ACOXL: variants seen among roughly 807,000 people sequenced by gnomAD.
ACOXL encodes acyl-CoA oxidase like.
Under a neutral mutation model 71.9 loss-of-function variants are expected in ACOXL, and 70 were observed. The observed-to-expected ratio is 0.97, with a 90% CI of 0.80 to 1.19. ACOXL has a LOEUF of 1.19. ACOXL is among the 50% of genes most tolerant of loss of function. ACOXL has a pLI of 0.00. For missense variants in ACOXL, 703 were observed against 736.3 expected (o/e 0.95, Z 0.52); for synonymous variants, 253 against 281.6 (o/e 0.90, Z 1.02).
intron 10 of ACOXL, among the ~76,000 whole-genome samples, chr2:110,864,305 A>G (rs1236803996): frequency 6.6e-6 from 1 of 152,152 alleles, no homozygotes; most frequent in Non-Finnish European, 1.5e-5. Context: ...GATGGGAGAC[A>G]CTCAGTAAAG....
chr2:111,099,861 A>G (rs149716970), intron 17 of ACOXL: 2 of 152,358 alleles, frequency 1.3e-5, no homozygotes, highest in Admixed American at 1.3e-4. Flanking sequence ...TAACAATTGT[A>G]TATCTCCATT....
chr2:110,743,010 C>G (rs1209660689), intron 1 of ACOXL, among the ~76,000 whole-genome samples: 1 of 152,206 alleles, frequency 6.6e-6, no homozygotes, highest in Non-Finnish European at 1.5e-5. Flanking sequence ...GTTTCTATCT[C>G]ATTTTCATCA....
chr2:111,004,606 C>T (rs1359697894), intron 14 of ACOXL, among the ~76,000 whole-genome samples: 1 of 152,092 alleles, frequency 6.6e-6, no homozygotes, highest in Non-Finnish European at 1.5e-5. Context: ...AATCTTGTTG[C>T]AAACAACTCG....
intron 10 of ACOXL, among the ~76,000 whole-genome samples, chr2:110,841,989 C>T (rs1201731181): frequency 6.6e-6 from 1 of 152,158 alleles, no homozygotes; most frequent in Non-Finnish European, 1.5e-5. Context: ...AGATCCAGCT[C>T]CAGTGGAGGG....
chr2:111,009,675 C>T (rs2064051745), intron 14 of ACOXL, among the ~76,000 whole-genome samples: 1 of 152,054 alleles, frequency 6.6e-6, no homozygotes, highest in Non-Finnish European at 1.5e-5. Context: ...CTGGAATATC[C>T]ATGAGTGGAT....
chr2:110,828,488 A>C (rs571502483), intron 9 of ACOXL, among the ~76,000 whole-genome samples: 1 of 152,098 alleles, frequency 6.6e-6, no homozygotes, highest in East Asian at 1.9e-4. Context: ...CTGTGAGTGC[A>C]CTCTTCTTGC....
intron 10 of ACOXL, among the ~76,000 whole-genome samples, chr2:110,849,900 G>A (rs1167554999): frequency 6.6e-6 from 1 of 152,222 alleles, no homozygotes; most frequent in Admixed American, 6.5e-5. Flanking sequence ...AGGACATGTA[G>A]GCAAAAGGAC....
chr2:110,773,669 A>C (rs576879081), intron 2 of ACOXL, among the ~76,000 whole-genome samples: 1 of 152,266 alleles, frequency 6.6e-6, no homozygotes, highest in African/African-American at 2.4e-5. Context: ...ACTGGAACCC[A>C]GGCTTCTCCT....
chr2:110,750,307 A>T (rs549505876), intron 1 of ACOXL, among the ~76,000 whole-genome samples: 1 of 152,214 alleles, frequency 6.6e-6, no homozygotes, highest in Admixed American at 6.5e-5. Flanking sequence ...ATAGACTAAC[A>T]TGTTTATTTT....
Position 110,794,305 on chromosome 2 carries a change from C to A in ACOXL, c.345+131C>A, listed in dbSNP as rs568326355. On this transcript the variant is annotated intron_variant, in intron 5 of 17. Coordinates refer to ENST00000439055, the MANE Select transcript of ACOXL (RefSeq NM_001142807.4). ...TGGCCCAGGGAGCTGAGATTCAGAT[C>A]AAATGCCTAAGTGTTTTAATAGAGG... The A allele has an allele frequency of 3.7e-6, 3 of 812,798 alleles. No homozygotes were observed. The Admixed American group carries it at 8.0e-5, about 22-fold the overall frequency. 50.3% of individuals were successfully genotyped at this position (812,798 alleles called of 1,614,324 possible).
chr2:110,737,529 A>G (rs938195465), intron 1 of ACOXL, among the ~76,000 whole-genome samples: 5 of 152,070 alleles, frequency 3.3e-5, no homozygotes, highest in South Asian at 2.1e-4. Flanking sequence ...TTCTGTCACA[A>G]CCTTTTTATT....
At chr2:110,815,803 T>G (rs1490806158) in intron 9 of ACOXL, among the ~76,000 whole-genome samples, 1 of 152,154 alleles carries the variant, frequency 6.6e-6, no homozygotes, top group Admixed American at 6.5e-5. Flanking sequence ...GAACTATATT[T>G]ATTTGCCACT....
intron 16 of ACOXL, among the ~76,000 whole-genome samples, chr2:111,060,297 A>G (rs1009671380): frequency 2.0e-5 from 3 of 152,040 alleles, no homozygotes; most frequent in African/African-American, 7.2e-5. Context: ...AAATGGGGAG[A>G]GTCAAGACTT....
intron 13 of ACOXL, among the ~76,000 whole-genome samples, chr2:110,989,617 G>A (rs922098314): frequency 2.6e-5 from 4 of 152,168 alleles, no homozygotes; most frequent in African/African-American, 9.7e-5. Context: ...CTAAGAAGAG[G>A]AGAGAATGGG....
At chr2:110,909,001 A>G in intron 11 of ACOXL, 96 bp downstream of exon 11, 1 of 926,362 alleles carries the variant, frequency 1.1e-6, no homozygotes. Flanking sequence ...TCATTTTCTA[A>G]CTGTGATCAG....
At chr2:110,818,415 A>ATG (rs1559302917) in intron 9 of ACOXL, among the ~76,000 whole-genome samples, 8 of 137,940 alleles carry the variant, frequency 5.8e-5, no homozygotes, top group African/African-American at 2.3e-4. Flanking sequence ...AAAAACATAT[A>ATG]TATATATATG....
chr2:111,007,208 C>G (rs2063918748), intron 14 of ACOXL, among the ~76,000 whole-genome samples: 1 of 152,202 alleles, frequency 6.6e-6, no homozygotes, highest in Admixed American at 6.5e-5. Flanking sequence ...CAAGGCAATA[C>G]AGTCACCAAG....
At chr2:110,772,001 AGACAGT>A (rs1487345673) in intron 2 of ACOXL, among the ~76,000 whole-genome samples, 4 of 152,228 alleles carry the variant, frequency 2.6e-5, no homozygotes, top group African/African-American at 9.6e-5. Context: ...TCACCATAGC[AGACAGT>A]GACAGCTCAA....
At chr2:110,937,943 T>C (rs957155854) in intron 12 of ACOXL, among the ~76,000 whole-genome samples, 2 of 152,142 alleles carry the variant, frequency 1.3e-5, no homozygotes, top group Non-Finnish European at 2.9e-5. Context: ...ACTCAGGAAG[T>C]AGGAGTTGAT....
Sources: allele counts gnomAD v4.1 joint callset (sites outside exome capture counted in the v4.1 genomes callset), GRCh38; gene constraint gnomAD v4.1.1; transcripts MANE v1.5; gene names NCBI Gene and HGNC (gene_info 2026-07-23, HGNC 2026-07-21).